The following PGAP2 variants were observed in gnomAD, a reference collection of about 807,000 sequenced individuals.
PGAP2 encodes acyltransferase PGAP2.
Under a neutral mutation model 33.2 loss-of-function variants are expected in PGAP2, and 21 were observed. The observed-to-expected ratio is 0.63, with a 90% confidence interval of 0.45 to 0.91. The LOEUF (loss-of-function observed/expected upper bound fraction) is 0.91, where lower values mean the gene tolerates loss of function less well. PGAP2 is among the 40% of genes least tolerant of loss of function. PGAP2 has a pLI of 0.00. For synonymous variants in PGAP2, 161 were observed against 172.9 expected, an observed-to-expected ratio of 0.93 and a Z score of 0.54; for missense variants, 345 against 424.0, an observed-to-expected ratio of 0.81 and a Z score of 1.64.
At chr11:3,824,683 C>G in intron 5 of PGAP2, 1 of 799,918 alleles carries the variant, frequency 1.3e-6, no homozygotes, top group Non-Finnish European at 1.9e-6. Context: ...GAGGACTGGT[C>G]TGTCATAATT....
intron 2 of PGAP2, among the ~76,000 whole-genome samples, chr11:3,815,685 G>A (rs559424777): frequency 2.0e-5 from 3 of 152,298 alleles, no homozygotes; most frequent in Admixed American, 2.0e-4. Flanking sequence ...CAGGTGGCCT[G>A]GGCAGTACAG....
upstream of PGAP2, chr11:3,808,541 C>A (rs1170696287): frequency 5.0e-6 from 7 of 1,392,536 alleles, no homozygotes; most frequent in Admixed American, 3.1e-5. Context: ...GCCCCGAGAG[C>A]GCCGGCCCCG....
chr11:3,824,026 C>G lies in PGAP2; in HGVS notation c.492C>G (p.Thr164=), dbSNP rs776790521. 1 of 1,614,186 alleles carries G rather than the reference C, an allele frequency of 6.2e-7. No individual in the cohort carries two copies. The highest frequency in any genetic ancestry group is 8.5e-7 in the Non-Finnish European group (1 of 1,180,024). ...FAYWNHYLSC[T]SPCSCYRPLC... ...ACTGGAACCACTACCTCAGCTGCAC[C>G]TCCCCGTGTTCCTGCTATCGCCCGC... Residue 164 remains threonine (T), a synonymous_variant, in exon 4 of 7, where the codon ACC becomes ACG. Transcript: ENST00000278243.
chr11:3,824,929 A>G (rs1226237552), intron 5 of PGAP2, 91 bp from the exon 6 acceptor site: 1 of 1,566,230 alleles, frequency 6.4e-7, no homozygotes, highest in African/African-American at 1.4e-5. Flanking sequence ...CAAGGGAGAT[A>G]AGGCCCAGCC....
rs2134276283 is a variant in PGAP2 at position 3,808,646 on chromosome 11, G to A, written c.-16G>A. 1.6e-6 allele frequency: 2 copies of A among 1,267,670 alleles called. No homozygotes were observed. Among genetic ancestry groups the A allele is most frequent in the East Asian group, 3.9e-5 (1 of 25,394 alleles). 78.5% of individuals were successfully genotyped at this position (1,267,670 alleles called of 1,614,324 possible). A position where few individuals can be genotyped will look rare whatever the true frequency, so the allele number is the denominator to read the frequency against. On this transcript the variant is annotated 5_prime_UTR_variant, in exon 1 of 7. Coordinates refer to ENST00000278243, the MANE Select transcript of PGAP2 (RefSeq NM_014489.4). Reference sequence around the variant, plus strand: ...TTCCGCCGGCACTCTCGCCACCACCGCGTGGGTGAGTATGGGCATGGATGT... The same window carrying A: ...TTCCGCCGGCACTCTCGCCACCACCACGTGGGTGAGTATGGGCATGGATGT...
intron 3 of PGAP2, among the ~76,000 whole-genome samples, chr11:3,820,473 A>G (rs961196455): frequency 1.2e-4 from 19 of 152,218 alleles, no homozygotes; most frequent in African/African-American, 4.3e-4. Context: ...GTTCAAGACC[A>G]GCCTGGCCAA....
Position 3,820,197 on chromosome 11 carries a change from C to T in PGAP2, c.348+2662C>T, listed in dbSNP as rs372665087. On this transcript the variant is annotated intron_variant, in intron 3 of 6. Transcript: ENST00000278243. ...AACTCAACTCAGAGTAACAGCAAGG[C>T]AGAAAAATCAAGTAAGGAGACTTGG... Among the ~76,000 whole-genome samples the T allele has an allele frequency of 3.9e-5, 6 of 152,262 alleles. 1 individual carries two copies. Among genetic ancestry groups the T allele is most frequent in the East Asian group, 3.9e-4 (2 of 5,188 alleles).
upstream of PGAP2, among the ~76,000 whole-genome samples, chr11:3,804,613 C>G (rs1475580369): frequency 1.3e-5 from 2 of 152,218 alleles, no homozygotes; most frequent in African/African-American, 4.8e-5. Context: ...TGTCTAAATA[C>G]TGCCCATTCT....
At chr11:3,817,594 T>C in intron 3 of PGAP2, 59 bp downstream of exon 3, 1 of 1,332,552 alleles carries the variant, frequency 7.5e-7, no homozygotes, top group Non-Finnish European at 1.1e-6. Flanking sequence ...GCAGTTAGGG[T>C]AGAATTAGAT....
At chr11:3,822,810 AT>A (rs917781304) in intron 3 of PGAP2, 100 of 652,406 alleles carry the variant, frequency 1.5e-4, no homozygotes, top group Middle Eastern at 5.0e-4. Flanking sequence ...TCCTGTCCCC[AT>A]CTAAACCCTT....
At chr11:3,817,823 G>A (rs2087451469) in intron 3 of PGAP2, 1 of 561,476 alleles carries the variant, frequency 1.8e-6, no homozygotes, top group South Asian at 1.5e-5. Flanking sequence ...GAAGCCAGTG[G>A]ATCACTCGAG....
At chr11:3,822,762 C>T in intron 3 of PGAP2, 1 of 512,370 alleles carries the variant, frequency 2.0e-6, no homozygotes, top group South Asian at 3.6e-5. Context: ...CTGCTCTAGG[C>T]CCTGGAGTCT....
chr11:3,803,438 GT>G (rs779700639), intron 1 of PGAP2, among the ~76,000 whole-genome samples: 2 of 147,712 alleles, frequency 1.4e-5, no homozygotes, highest in African/African-American at 5.0e-5. Context: ...TTTTTGTTTT[GT>G]TTTTTTGAGA....
chr11:3,814,744 C>CTTCTTTCT (rs1205908890), intron 2 of PGAP2, among the ~76,000 whole-genome samples: 1 of 95,906 alleles, frequency 1.0e-5, no homozygotes, highest in African/African-American at 3.0e-5. Flanking sequence ...TCCTTCTTTC[C>CTTCTTTCT]TTCTTTTCTT....
At chr11:3,815,463 C>T (rs141290255) in intron 2 of PGAP2, among the ~76,000 whole-genome samples, 1,979 of 152,286 alleles carry the variant, frequency 0.013, 18 homozygotes, top group South Asian at 0.027. Flanking sequence ...CACACCGCCA[C>T]CATGACTGGC....
chr11:3,824,369 G>A lies in PGAP2; in HGVS notation c.701G>A (p.Ser234Asn). 1 of 1,614,224 alleles carries A rather than the reference G, an allele frequency of 6.2e-7. No individual in the cohort carries two copies. The highest frequency in any genetic ancestry group is 8.5e-7 in the Non-Finnish European group (1 of 1,180,030). The change falls in exon 5 of 7, where the codon AGT becomes AAT. Residue 234 changes from serine (S) to asparagine (N), a missense_variant. By Grantham distance (46) the Ser-to-Asn change is conservative. This residue lies in a region of PGAP2 where 311 missense variants were observed against 353.6 expected (regional missense o/e 0.88). Coordinates refer to ENST00000278243, the MANE Select transcript of PGAP2 (RefSeq NM_014489.4). Reference protein sequence around the residue: ...LWRLTKKHTVSQEDRKSYSWK... With the variant: ...LWRLTKKHTVNQEDRKSYSWK... ...CGGTTGACCAAGAAGCACACAGTAA[G>A]TCAGGAGGTACGGTCTATCCCTAGC...
chr11:3,822,365 A>G (rs1223910152), intron 3 of PGAP2, among the ~76,000 whole-genome samples: 1 of 149,334 alleles, frequency 6.7e-6, no homozygotes, highest in East Asian at 1.9e-4. Flanking sequence ...CTCCGTCTCA[A>G]AAAGAGAAAA....
intron 1 of PGAP2, among the ~76,000 whole-genome samples, chr11:3,801,265 TAAAAG>T (rs1019524900): frequency 6.6e-6 from 1 of 152,112 alleles, no homozygotes; most frequent in Non-Finnish European, 1.5e-5. Context: ...TAGTGAGCAT[TAAAAG>T]AGAGAATACA....
At chr11:3,801,308 A>C (rs2083408163) in intron 1 of PGAP2, among the ~76,000 whole-genome samples, 4 of 152,046 alleles carry the variant, frequency 2.6e-5, no homozygotes. Flanking sequence ...AGTACCTGGC[A>C]CAGATAAGGC....
Sources: gnomAD v4.1 joint callset for allele counts (sites outside exome capture counted in the v4.1 genomes callset) on GRCh38, gnomAD v4.1.1 for gene constraint, gnomAD v4.1.1 regional missense constraint, MANE v1.5 for transcripts, NCBI Gene and HGNC (gene_info 2026-07-23, HGNC 2026-07-21) for gene names.